Variants in ADGRB3 observed in about 807,000 individuals in gnomAD.
ADGRB3 encodes the protein adhesion G protein-coupled receptor B3, also known as brain-specific angiogenesis inhibitor 3.
Under a neutral mutation model 193.4 loss-of-function variants are expected in ADGRB3, and 37 were observed. The observed-to-expected ratio is 0.19, with a 90% CI of 0.15 to 0.25. The LOEUF (loss-of-function observed/expected upper bound fraction) is 0.25, where lower values mean the gene tolerates loss of function less well. Among genes scored for constraint, ADGRB3 ranks in the 10% least tolerant of loss-of-function variants. The pLI is 1.00. For missense variants in ADGRB3, 1,637 were observed against 1,852.9 expected (o/e 0.88, Z 2.14); for synonymous variants, 690 against 644.2 (o/e 1.07, Z -1.08).
rs570552279 is a variant in ADGRB3, at chr6:68,696,441, C to A, written c.757+57009C>A. Among the ~76,000 whole-genome samples, 3 of 150,760 alleles carry A rather than the reference C, an allele frequency of 2.0e-5. No individual in the cohort carries two copies. The East Asian group carries it at 5.9e-4, about 29-fold the overall frequency. On this transcript the variant is annotated intron_variant, in intron 3 of 31. Coordinates refer to ENST00000370598, the MANE Select transcript of ADGRB3 (RefSeq NM_001704.3). ...TTCTTCTAAAAATTAAAAAAAAAAC[C>A]TATGGGATTTTGCACAACCTAATTT...
chr6:68,714,791 A>G (rs1350636006), intron 3 of ADGRB3, among the ~76,000 whole-genome samples: 1 of 151,840 alleles, frequency 6.6e-6, no homozygotes, highest in Non-Finnish European at 1.5e-5. Context: ...TTAAAAATAT[A>G]TAGACTTTGG....
At chr6:69,170,676 G>A (rs1171133720) in intron 17 of ADGRB3, among the ~76,000 whole-genome samples, 2 of 152,188 alleles carry the variant, frequency 1.3e-5, no homozygotes, top group African/African-American at 4.8e-5. Context: ...CCGTAAAACT[G>A]CACAGGTAAA....
chr6:69,351,266 T>A (rs1769220436), intron 26 of ADGRB3, among the ~76,000 whole-genome samples: 1 of 151,198 alleles, frequency 6.6e-6, no homozygotes, highest in Non-Finnish European at 1.5e-5. Flanking sequence ...CTAATTTTTG[T>A]ATTTTTTTAG....
intron 17 of ADGRB3, among the ~76,000 whole-genome samples, chr6:69,090,281 A>G (rs1274995022): frequency 1.3e-5 from 2 of 152,116 alleles, no homozygotes; most frequent in Non-Finnish European, 2.9e-5. Flanking sequence ...TATCTCTGGG[A>G]CCTTGTCTGT....
intron 20 of ADGRB3, among the ~76,000 whole-genome samples, chr6:69,274,628 T>G (rs1767259989): frequency 7.7e-6 from 1 of 129,814 alleles, no homozygotes; most frequent in African/African-American, 2.8e-5. Flanking sequence ...CCTCCCTTCC[T>G]TCCTTCTTTC....
At chr6:69,317,734 C>T (rs1051615858) in intron 20 of ADGRB3, among the ~76,000 whole-genome samples, 1 of 151,530 alleles carries the variant, frequency 6.6e-6, no homozygotes, top group Admixed American at 6.6e-5. Context: ...CTGAATTTGT[C>T]AACACCTTGA....
At chr6:69,116,253 C>G (rs1435107680) in intron 17 of ADGRB3, among the ~76,000 whole-genome samples, 1 of 152,160 alleles carries the variant, frequency 6.6e-6, no homozygotes, top group Non-Finnish European at 1.5e-5. Context: ...AACCACATCT[C>G]CAAAACTCCT....
At chr6:69,114,752 A>G (rs1246024598) in intron 17 of ADGRB3, among the ~76,000 whole-genome samples, 2 of 152,192 alleles carry the variant, frequency 1.3e-5, no homozygotes, top group Non-Finnish European at 2.9e-5. Flanking sequence ...TCCCAACACC[A>G]TTTATTAAAT....
chr6:69,262,377 G>A (rs1320076610), intron 20 of ADGRB3, among the ~76,000 whole-genome samples: 4 of 151,924 alleles, frequency 2.6e-5, no homozygotes, highest in Non-Finnish European at 5.9e-5. Flanking sequence ...CTTTTGAGAA[G>A]GAGGTTTTAT....
chr6:68,940,323 C>A lies in ADGRB3; in HGVS notation c.1031-3507C>A, dbSNP rs537172090. ...CCAATAAGTCTTTGTTGGGGGAGTC[C>A]ATCCTGTGTATTTTTTTAATGTTTA... is the stretch of plus-strand genomic sequence containing the variant. On this transcript the variant is annotated intron_variant, in intron 5 of 31. Transcript: ENST00000370598. Among the ~76,000 whole-genome samples the A allele has an allele frequency of 2.0e-3, 304 of 151,956 alleles. 1 individual carries two copies. The highest frequency in any genetic ancestry group is 7.1e-3 in the African/African-American group (296 of 41,434).
At chr6:69,062,105 C>A (rs200249523) in intron 15 of ADGRB3, among the ~76,000 whole-genome samples, 2 of 151,866 alleles carry the variant, frequency 1.3e-5, no homozygotes, top group East Asian at 3.8e-4. Flanking sequence ...AATATATTCA[C>A]ACATAAACAC....
intron 3 of ADGRB3, among the ~76,000 whole-genome samples, chr6:68,888,542 T>TACACACAC (rs5877179): frequency 0.023 from 3,433 of 146,128 alleles, 59 homozygotes; most frequent in African/African-American, 0.046. Flanking sequence ...GGGTAATAGA[T>TACACACAC]ACACACACAC....
At chr6:68,847,679 C>T (rs1768307701) in intron 3 of ADGRB3, among the ~76,000 whole-genome samples, 1 of 152,110 alleles carries the variant, frequency 6.6e-6, no homozygotes, top group African/African-American at 2.4e-5. Flanking sequence ...TCAAATTAAC[C>T]TCCTTTTCTT....
At chr6:68,967,149 T>C (rs1189391459) in intron 8 of ADGRB3, among the ~76,000 whole-genome samples, 2 of 152,190 alleles carry the variant, frequency 1.3e-5, no homozygotes, top group Admixed American at 6.5e-5. Context: ...ATAATTTGTG[T>C]AGTGGATTTC....
At chr6:68,744,211 A>C (rs923709848) in intron 3 of ADGRB3, among the ~76,000 whole-genome samples, 3 of 152,036 alleles carry the variant, frequency 2.0e-5, no homozygotes, top group Non-Finnish European at 4.4e-5. Flanking sequence ...CAAAAACAGA[A>C]CTTTTTTTAA....
At chr6:68,800,426 G>T (rs1433509159) in intron 3 of ADGRB3, among the ~76,000 whole-genome samples, 3 of 152,160 alleles carry the variant, frequency 2.0e-5, no homozygotes, top group Non-Finnish European at 4.4e-5. Flanking sequence ...GAGAGTTCAG[G>T]CTGGAGCTAT....
intron 3 of ADGRB3, among the ~76,000 whole-genome samples, chr6:68,831,337 T>C (rs944699370): frequency 6.7e-6 from 1 of 150,194 alleles, no homozygotes; most frequent in African/African-American, 2.4e-5. Flanking sequence ...CTGATTTTAC[T>C]GGTTTTGGAC....
At chr6:68,907,248 T>C (rs1766574930) in intron 3 of ADGRB3, among the ~76,000 whole-genome samples, 1 of 151,982 alleles carries the variant, frequency 6.6e-6, no homozygotes, top group African/African-American at 2.4e-5. Context: ...AGCTGTTAAT[T>C]TGAGTATTTT....
At chr6:68,968,384 T>C (rs1302699724) in intron 8 of ADGRB3, among the ~76,000 whole-genome samples, 5 of 152,144 alleles carry the variant, frequency 3.3e-5, no homozygotes, top group Non-Finnish European at 7.3e-5. Context: ...GACAGGGAAA[T>C]GAAGAAGTTC....
Sources: gnomAD v4.1 joint callset for allele counts (sites outside exome capture counted in the v4.1 genomes callset) on GRCh38, gnomAD v4.1.1 for gene constraint, MANE v1.5 for transcripts, NCBI Gene and HGNC (gene_info 2026-07-23, HGNC 2026-07-21) for gene names.